ENOX2: variants seen among roughly 807,000 people sequenced by gnomAD.
ENOX2 encodes APK1 antigen.
Under a neutral mutation model 45.0 loss-of-function variants are expected in ENOX2, and 36 were observed. The ratio of observed to expected loss-of-function variants is 0.80; its 90% CI spans 0.61 to 1.06. The LOEUF (loss-of-function observed/expected upper bound fraction) is 1.06. Among genes scored for constraint, ENOX2 ranks in the 50% least tolerant of loss-of-function variants. ENOX2 has a pLI of 0.00. For synonymous variants in ENOX2, 174 were observed against 152.3 expected, an observed-to-expected ratio of 1.14 and a Z score of -1.05; for missense variants, 423 against 462.5, an observed-to-expected ratio of 0.91 and a Z score of 0.78.
At chrX:130,720,129 G>A (rs928045821) in intron 3 of ENOX2, among the ~76,000 whole-genome samples, 9 of 112,274 alleles carry the variant, frequency 8.0e-5, no homozygotes, top group African/African-American at 2.9e-4. Flanking sequence ...TAACGATAAT[G>A]GGTGGCTTGG....
chrX:130,838,675 T>C (rs776706115), intron 2 of ENOX2, among the ~76,000 whole-genome samples: 1 of 111,985 alleles, frequency 8.9e-6, no homozygotes, highest in Non-Finnish European at 1.9e-5. Context: ...CCCAGAATGA[T>C]AGAAAGCATG....
chrX:130,763,833 C>A (rs973054007), intron 3 of ENOX2, among the ~76,000 whole-genome samples: 7 of 110,592 alleles, frequency 6.3e-5, no homozygotes, highest in African/African-American at 2.3e-4. Context: ...ATCTATGCTC[C>A]CTACTTGGTT....
chrX:130,703,283 T>C, intron 3 of ENOX2, 29 bp from the exon 4 acceptor site: 1 of 1,179,527 alleles, frequency 8.5e-7, no homozygotes, highest in Non-Finnish European at 1.1e-6. Flanking sequence ...CAAAATAATT[T>C]GTTGTGTTAA....
chrX:130,793,070 C>T (rs1292030228), intron 2 of ENOX2, among the ~76,000 whole-genome samples: 2 of 112,341 alleles, frequency 1.8e-5, no homozygotes, highest in South Asian at 3.7e-4. Context: ...AAACAGGTCA[C>T]TTGATCTCTC....
At chrX:130,750,529 C>T (rs2039194677) in intron 3 of ENOX2, among the ~76,000 whole-genome samples, 1 of 110,955 alleles carries the variant, frequency 9.0e-6, no homozygotes, top group Non-Finnish European at 1.9e-5. Flanking sequence ...TTTTCTCTCA[C>T]CCTCTTCCTC....
chrX:130,709,265 C>T, intron 3 of ENOX2: 2 of 1,207,814 alleles, frequency 1.7e-6, no homozygotes, highest in Non-Finnish European at 2.2e-6. Flanking sequence ...TTTCGTAGAC[C>T]CACAGCCATC....
chrX:130,846,309 G>C (rs1225566049), intron 2 of ENOX2, among the ~76,000 whole-genome samples: 2 of 110,583 alleles, frequency 1.8e-5, no homozygotes, highest in Non-Finnish European at 3.8e-5. Flanking sequence ...GAGTGCTTAT[G>C]TGTATTACAG....
intron 2 of ENOX2, among the ~76,000 whole-genome samples, chrX:130,822,394 G>A (rs2077633771): frequency 8.9e-6 from 1 of 112,021 alleles, no homozygotes; most frequent in African/African-American, 3.2e-5. Context: ...TTCTTGACAT[G>A]CCAGGCAGCA....
At chrX:130,889,145 C>T (rs1487281491) in intron 2 of ENOX2, among the ~76,000 whole-genome samples, 2 of 112,105 alleles carry the variant, frequency 1.8e-5, no homozygotes, top group East Asian at 5.6e-4. Flanking sequence ...ACATGAAGTC[C>T]TGGGGTGGCC....
chrX:130,714,209 C>T (rs1268367623), intron 3 of ENOX2, among the ~76,000 whole-genome samples: 1 of 112,057 alleles, frequency 8.9e-6, no homozygotes, highest in African/African-American at 3.2e-5. Context: ...TTTCAGTCCA[C>T]TTCCTTGCCA....
chrX:130,840,437 T>A lies in ENOX2; in HGVS notation c.-182-56747A>T, dbSNP rs186778263. 5.5e-5 allele frequency among the ~76,000 whole-genome samples: 6 copies of A among 109,770 alleles called. No homozygotes were observed. The East Asian group carries it at 1.1e-3, about 21-fold the overall frequency. Reference sequence around the variant, plus strand: ...TAAATCAACGTGAAGAAACCAATAATAATTATTAAAAGCTAGAGTAGGAGC... The same window carrying A: ...TAAATCAACGTGAAGAAACCAATAAAAATTATTAAAAGCTAGAGTAGGAGC... On this transcript the variant is annotated intron_variant, in intron 2 of 14. Coordinates refer to ENST00000394363, the MANE Select transcript of ENOX2 (RefSeq NM_006375.4).
chrX:130,729,765 A>G (rs1293945950), intron 3 of ENOX2, among the ~76,000 whole-genome samples: 1 of 112,570 alleles, frequency 8.9e-6, no homozygotes, highest in Non-Finnish European at 1.9e-5. Context: ...CAATCACTAG[A>G]AAGTTTCTAA....
intron 3 of ENOX2, among the ~76,000 whole-genome samples, chrX:130,735,948 G>T (rs916024645): frequency 8.9e-6 from 1 of 112,111 alleles, no homozygotes; most frequent in Non-Finnish European, 1.9e-5. Flanking sequence ...AAATGTATGC[G>T]ATGAAATGCT....
At chrX:130,721,369 A>T (rs1157372894) in intron 3 of ENOX2, among the ~76,000 whole-genome samples, 2 of 112,402 alleles carry the variant, frequency 1.8e-5, no homozygotes, top group Non-Finnish European at 3.8e-5. Flanking sequence ...TCAGAAATTA[A>T]GGCATTTGAC....
intron 2 of ENOX2, among the ~76,000 whole-genome samples, chrX:130,846,636 C>A (rs1472050948): frequency 1.8e-5 from 2 of 112,501 alleles, no homozygotes; most frequent in Non-Finnish European, 3.8e-5. Context: ...TGCGCCCAGC[C>A]GGCAATCTTT....
intron 3 of ENOX2, among the ~76,000 whole-genome samples, chrX:130,708,706 T>C (rs1425084444): frequency 1.8e-5 from 2 of 112,181 alleles, no homozygotes; most frequent in Admixed American, 9.4e-5. Flanking sequence ...AACAAATACA[T>C]GAGGAAATAT....
intron 2 of ENOX2, among the ~76,000 whole-genome samples, chrX:130,836,069 C>T (rs1242211988): frequency 8.9e-6 from 1 of 112,164 alleles, no homozygotes; most frequent in East Asian, 2.8e-4. Context: ...GTATTTTGGA[C>T]CTCCAGGTCG....
intron 3 of ENOX2, among the ~76,000 whole-genome samples, chrX:130,782,074 A>G (rs2076906114): frequency 9.0e-6 from 1 of 111,728 alleles, no homozygotes; most frequent in Non-Finnish European, 1.9e-5. Context: ...AGTTTAAATT[A>G]TATTGAATAC....
At chrX:130,778,880 G>A (rs914875958) in intron 3 of ENOX2, among the ~76,000 whole-genome samples, 1 of 112,220 alleles carries the variant, frequency 8.9e-6, no homozygotes, top group Non-Finnish European at 1.9e-5. Flanking sequence ...TGCTCACTTT[G>A]GTATTGTAAT....
Sources: gnomAD v4.1 joint callset for allele counts (sites outside exome capture counted in the v4.1 genomes callset) on GRCh38, gnomAD v4.1.1 for gene constraint, MANE v1.5 for transcripts, NCBI Gene and HGNC (gene_info 2026-07-23, HGNC 2026-07-21) for gene names.